FHAD1: variants seen among roughly 807,000 people sequenced by gnomAD.
FHAD1 encodes forkhead-associated domain-containing protein 1.
In FHAD1, 146 loss-of-function variants were observed where a neutral mutation model predicts 191.3. That is an observed-to-expected ratio of 0.76 (90% confidence interval 0.67 to 0.88). The LOEUF is 0.88. Ranked by LOEUF, FHAD1 falls within the 40% of genes least tolerant of loss-of-function variation. The pLI, the probability that FHAD1 is intolerant of heterozygous loss-of-function variation, is 0.00. For missense variants in FHAD1, 1,635 were observed against 1,785.8 expected (o/e 0.92, Z 1.52); for synonymous variants, 616 against 672.3 (o/e 0.92, Z 1.29).
chr1:15,368,537 C>G (rs1344769065), intron 25 of FHAD1, among the ~76,000 whole-genome samples: 1 of 152,156 alleles, frequency 6.6e-6, no homozygotes, highest in Non-Finnish European at 1.5e-5. Context: ...AAGAGTTTGA[C>G]TGAAATTGAT....
chr1:15,340,314 C>T (rs550757055), intron 15 of FHAD1, among the ~76,000 whole-genome samples: 1 of 152,342 alleles, frequency 6.6e-6, no homozygotes, highest in East Asian at 1.9e-4. Context: ...AAAACTTCAG[C>T]GGCATTCAGC....
At chr1:15,370,754 G>A (rs1697840719) in intron 26 of FHAD1, among the ~76,000 whole-genome samples, 1 of 152,222 alleles carries the variant, frequency 6.6e-6, no homozygotes, top group South Asian at 2.1e-4. Context: ...ATGCAATGGT[G>A]AGACTCAGTG....
At chr1:15,304,814 C>G (rs1669900796) in intron 6 of FHAD1, among the ~76,000 whole-genome samples, 1 of 152,022 alleles carries the variant, frequency 6.6e-6, no homozygotes, top group Non-Finnish European at 1.5e-5. Context: ...CGAAATGGGC[C>G]GTAGAAATTG....
chr1:15,277,776 G>A (rs533072046), intron 3 of FHAD1, among the ~76,000 whole-genome samples: 21 of 152,280 alleles, frequency 1.4e-4, no homozygotes, highest in African/African-American at 5.1e-4. Flanking sequence ...CTTTTCACCA[G>A]GGATGCTGCT....
intron 1 of FHAD1, among the ~76,000 whole-genome samples, chr1:15,248,241 T>C (rs1350628173): frequency 1.3e-5 from 2 of 152,100 alleles, no homozygotes; most frequent in African/African-American, 4.8e-5. Flanking sequence ...AGGGGAGTAA[T>C]GAACAGACTG....
Position 15,319,525 on chromosome 1 carries a change from C to G in FHAD1, c.1365+1597C>G, listed in dbSNP as rs59469487. Among the ~76,000 whole-genome samples, 365 of 152,098 alleles carry G rather than the reference C, an allele frequency of 2.4e-3. 11 individuals carry two copies. The East Asian group carries it at 0.066, about 28-fold the overall frequency. On this transcript the variant is annotated intron_variant, in intron 10 of 33. Coordinates refer to ENST00000688493, the MANE Select transcript of FHAD1 (RefSeq NM_001391957.1). Reference sequence around the variant, plus strand: ...CCTGTAATCCCAGCACTTTGGAGGCCGAGACAGGAGGATTGCTTTAGACCA... The same window carrying G: ...CCTGTAATCCCAGCACTTTGGAGGCGGAGACAGGAGGATTGCTTTAGACCA...
intron 10 of FHAD1, among the ~76,000 whole-genome samples, chr1:15,319,022 G>C (rs1231073975): frequency 6.6e-6 from 1 of 151,974 alleles, no homozygotes; most frequent in Non-Finnish European, 1.5e-5. Context: ...TAAAGACAGA[G>C]CTTCACTATG....
At chr1:15,245,334 TTTG>T (rs1204163774), upstream of FHAD1, among the ~76,000 whole-genome samples, 1 of 152,194 alleles carries the variant, frequency 6.6e-6, no homozygotes, top group Non-Finnish European at 1.5e-5. Context: ...TTTATTTGCT[TTTG>T]TTGTTCTTAT....
intron 5 of FHAD1, among the ~76,000 whole-genome samples, chr1:15,297,915 G>A (rs1415012373): frequency 6.6e-6 from 1 of 151,864 alleles, no homozygotes; most frequent in Non-Finnish European, 1.5e-5. Context: ...TTGCGGTATA[G>A]GTGGTATTTG....
intron 1 of FHAD1, 46 bp from the exon 2 acceptor site, chr1:15,251,725 G>T (rs1207966376): frequency 7.1e-7 from 1 of 1,404,206 alleles, no homozygotes; most frequent in East Asian, 2.5e-5. Context: ...TGAATAATTA[G>T]AGAACTACAT....
intron 1 of FHAD1, among the ~76,000 whole-genome samples, chr1:15,249,339 G>A (rs956760316): frequency 4.0e-4 from 61 of 151,814 alleles, no homozygotes; most frequent in African/African-American, 1.5e-3. Flanking sequence ...TTACTCTGGA[G>A]GCATTTCCTG....
chr1:15,240,829 T>TG (rs1202344122), intron 1 of FHAD1, among the ~76,000 whole-genome samples: 1 of 151,404 alleles, frequency 6.6e-6, no homozygotes, highest in Non-Finnish European at 1.5e-5. Flanking sequence ...TGGTGGCACT[T>TG]GCCTGTAGTC....
At chr1:15,357,618 T>A (rs1570141490) in intron 20 of FHAD1, among the ~76,000 whole-genome samples, 1 of 101,114 alleles carries the variant, frequency 9.9e-6, no homozygotes. Flanking sequence ...GCGAGACTCC[T>A]CCGTCTCAAA....
At chr1:15,257,579 C>T (rs1648855778) in intron 2 of FHAD1, among the ~76,000 whole-genome samples, 2 of 152,200 alleles carry the variant, frequency 1.3e-5, no homozygotes, top group Non-Finnish European at 2.9e-5. Context: ...CACCAGGCGT[C>T]CTGCGCTCTG....
intron 10 of FHAD1, among the ~76,000 whole-genome samples, chr1:15,323,911 T>TA (rs1263363189): frequency 6.6e-6 from 1 of 152,146 alleles, no homozygotes; most frequent in East Asian, 1.9e-4. Flanking sequence ...AATAAACAGT[T>TA]ACAATAATAA....
chr1:15,315,001 G>C (rs1017833462), intron 8 of FHAD1: 1 of 151,918 alleles, frequency 6.6e-6, no homozygotes, highest in Non-Finnish European at 1.5e-5. Flanking sequence ...AAGTGCATTT[G>C]GGTTACTTGT....
At chr1:15,363,365 A>T (rs1458958140) in intron 23 of FHAD1, among the ~76,000 whole-genome samples, 1 of 152,200 alleles carries the variant, frequency 6.6e-6, no homozygotes, top group Non-Finnish European at 1.5e-5. Flanking sequence ...CCACCTCTCA[A>T]TACTGCCACA....
chr1:15,367,726 T>C (rs1351513757), intron 25 of FHAD1, 104 bp downstream of exon 25: 2 of 885,384 alleles, frequency 2.3e-6, no homozygotes, highest in Non-Finnish European at 3.4e-6. Flanking sequence ...AGGAGTTGAA[T>C]GAATGAATGA....
chr1:15,246,252 A>G (rs1298001025), upstream of FHAD1, among the ~76,000 whole-genome samples: 7 of 152,136 alleles, frequency 4.6e-5, no homozygotes, highest in Non-Finnish European at 8.8e-5. Context: ...CCATGATTCA[A>G]TCACCTCCCA....
Sources: allele counts gnomAD v4.1 joint callset (sites outside exome capture counted in the v4.1 genomes callset), GRCh38; gene constraint gnomAD v4.1.1; transcripts MANE v1.5; gene names NCBI Gene and HGNC (gene_info 2026-07-23, HGNC 2026-07-21).